Variants in ABCC4 observed in about 807,000 individuals in gnomAD.
ABCC4 encodes the protein ATP binding cassette subfamily C member 4 (PEL blood group).
Under a neutral mutation model 168.5 loss-of-function variants are expected in ABCC4, and 102 were observed. That is an observed-to-expected ratio of 0.61 (90% confidence interval 0.52 to 0.71). The LOEUF (loss-of-function observed/expected upper bound fraction) is 0.71. ABCC4 is among the 30% of genes least tolerant of loss of function. The pLI is 0.00. For missense variants in ABCC4, 1,402 were observed against 1,605.8 expected (o/e 0.87, Z 2.17); for synonymous variants, 617 against 590.7 (o/e 1.04, Z -0.65).
At chr13:95,055,840 A>AC (rs1324064238) in intron 26 of ABCC4, 2 of 151,962 alleles carry the variant, frequency 1.3e-5, no homozygotes, top group African/African-American at 4.8e-5. Context: ...CCAAGATAGC[A>AC]CCACTGCACT....
intron 20 of ABCC4, among the ~76,000 whole-genome samples, chr13:95,103,250 G>A (rs1315812467): frequency 6.6e-6 from 1 of 152,106 alleles, no homozygotes; most frequent in African/African-American, 2.4e-5. Flanking sequence ...GGGCGACAGA[G>A]CGAGACTCCG....
rs68070552 is a variant in ABCC4, at chr13:95,242,234, AT to A, written c.306+4740del. The stretch of plus-strand genomic sequence containing the variant: ...AACTAACATTTGTTCTAACTCCATA[AT>A]TTTTTTTTTTGAGACAGAGTCTTGC... On this transcript the variant is annotated intron_variant, in intron 3 of 30. Transcript: ENST00000645237. Among the ~76,000 whole-genome samples the A allele has an allele frequency of 3.6e-3, 547 of 150,320 alleles. 5 individuals carry two copies. Among genetic ancestry groups the A allele is most frequent in the African/African-American group, 0.012 (512 of 41,048 alleles).
At chr13:95,042,130 G>A (rs1465003848) in intron 29 of ABCC4, among the ~76,000 whole-genome samples, 4 of 152,068 alleles carry the variant, frequency 2.6e-5, no homozygotes, top group Non-Finnish European at 5.9e-5. Flanking sequence ...TGAAATGCAA[G>A]GTCATCTCAA....
At chr13:95,184,145 G>A (rs751574990) in intron 11 of ABCC4, among the ~76,000 whole-genome samples, 1 of 152,212 alleles carries the variant, frequency 6.6e-6, no homozygotes. Context: ...GAAGCCCGCA[G>A]GTGCCTGGGA....
intron 21 of ABCC4, among the ~76,000 whole-genome samples, chr13:95,078,070 C>T (rs970037025): frequency 6.6e-6 from 1 of 152,126 alleles, no homozygotes; most frequent in African/African-American, 2.4e-5. Context: ...ACTGGGGGCA[C>T]TAACTTTTAG....
At chr13:95,231,411 T>A (rs2039617455) in intron 4 of ABCC4, among the ~76,000 whole-genome samples, 1 of 152,194 alleles carries the variant, frequency 6.6e-6, no homozygotes, top group Non-Finnish European at 1.5e-5. Flanking sequence ...GCAAGATCAT[T>A]CAATACCAAA....
At chr13:95,152,188 C>A (rs74958106) in intron 19 of ABCC4, among the ~76,000 whole-genome samples, 2 of 152,130 alleles carry the variant, frequency 1.3e-5, no homozygotes, top group African/African-American at 4.8e-5. Flanking sequence ...CAGGCCATCA[C>A]GTATCAGAAA....
chr13:95,147,193 G>T (rs2139497849), intron 19 of ABCC4, among the ~76,000 whole-genome samples: 1 of 152,156 alleles, frequency 6.6e-6, no homozygotes, highest in South Asian at 2.1e-4. Context: ...CTTCATTTAG[G>T]TCTCTCCACC....
chr13:95,155,019 C>A (rs899221100), intron 19 of ABCC4, among the ~76,000 whole-genome samples: 1 of 152,054 alleles, frequency 6.6e-6, no homozygotes, highest in Non-Finnish European at 1.5e-5. Flanking sequence ...TCTTTCTGAT[C>A]ATATAAAAAG....
intron 15 of ABCC4, among the ~76,000 whole-genome samples, chr13:95,165,526 A>T (rs1227517138): frequency 6.6e-6 from 1 of 152,164 alleles, no homozygotes; most frequent in Non-Finnish European, 1.5e-5. Context: ...TACTCTGAAG[A>T]TGTATTGAGC....
chr13:95,275,652 T>A (rs916725055), intron 1 of ABCC4, among the ~76,000 whole-genome samples: 10 of 151,116 alleles, frequency 6.6e-5, no homozygotes, highest in African/African-American at 2.4e-4. Flanking sequence ...AGCAGCACTC[T>A]AATGAGCAAA....
intron 19 of ABCC4, among the ~76,000 whole-genome samples, chr13:95,159,577 G>A (rs1243362714): frequency 6.6e-6 from 1 of 152,106 alleles, no homozygotes; most frequent in Non-Finnish European, 1.5e-5. Context: ...GCATTCCGAG[G>A]CCTGTGATAA....
chr13:95,164,054 A>AAAAGAAAGAAAGAAAGAAAG (rs781636269), intron 16 of ABCC4, among the ~76,000 whole-genome samples: 3 of 139,010 alleles, frequency 2.2e-5, no homozygotes, highest in African/African-American at 8.3e-5. Context: ...AAAAAAAAAA[A>AAAAGAAAGAAAGAAAGAAAG]AAAGAAAGAA....
chr13:95,048,526 C>T (rs2032689623), intron 27 of ABCC4, among the ~76,000 whole-genome samples: 1 of 152,192 alleles, frequency 6.6e-6, no homozygotes, highest in African/African-American at 2.4e-5. Context: ...ATGGGAACAA[C>T]CTTTAACAAG....
chr13:95,227,266 G>C (rs2039491849), intron 4 of ABCC4, among the ~76,000 whole-genome samples: 1 of 152,150 alleles, frequency 6.6e-6, no homozygotes, highest in South Asian at 2.1e-4. Context: ...CCAAGCTATG[G>C]AAAGTTAACT....
intron 8 of ABCC4, among the ~76,000 whole-genome samples, chr13:95,199,662 G>T (rs978720952): frequency 6.6e-6 from 1 of 152,162 alleles, no homozygotes; most frequent in Admixed American, 6.5e-5. Context: ...TGTCTACTTG[G>T]TCTGAGTCCA....
intron 29 of ABCC4, among the ~76,000 whole-genome samples, chr13:95,042,835 T>C (rs371228489): frequency 6.6e-6 from 1 of 152,216 alleles, no homozygotes; most frequent in African/African-American, 2.4e-5. Flanking sequence ...AAGCATTAGA[T>C]AATAAAAGGA....
chr13:95,300,936 C>T (rs567950312), intron 1 of ABCC4, among the ~76,000 whole-genome samples: 1 of 152,268 alleles, frequency 6.6e-6, no homozygotes, highest in African/African-American at 2.4e-5. Context: ...TTCCCCGCCT[C>T]CCCACCTCCT....
chr13:95,283,749 C>T (rs1001121505), intron 1 of ABCC4, among the ~76,000 whole-genome samples: 1 of 151,774 alleles, frequency 6.6e-6, no homozygotes, highest in Non-Finnish European at 1.5e-5. Context: ...GAAACCCCGT[C>T]TCTATGGGCG....
Sources: allele counts gnomAD v4.1 joint callset (sites outside exome capture counted in the v4.1 genomes callset), GRCh38; gene constraint gnomAD v4.1.1; transcripts MANE v1.5; gene names NCBI Gene and HGNC (gene_info 2026-07-23, HGNC 2026-07-21).